The following IL20RB variants were observed in gnomAD, a reference collection of about 807,000 sequenced individuals.
IL20RB encodes interleukin-20 receptor subunit beta.
In IL20RB, 21 loss-of-function variants were observed where a neutral mutation model predicts 33.3. The ratio of observed to expected loss-of-function variants is 0.63; its 90% CI spans 0.45 to 0.91. IL20RB has a LOEUF of 0.91. Ranked by LOEUF, IL20RB falls within the 40% of genes least tolerant of loss-of-function variation. IL20RB has a pLI of 0.00. For missense variants in IL20RB, 345 were observed against 384.8 expected (o/e 0.90, Z 0.86); for synonymous variants, 147 against 146.8 (o/e 1.00, Z -0.01).
intron 6 of IL20RB, among the ~76,000 whole-genome samples, chr3:136,996,190 G>A (rs1428735004): frequency 6.6e-6 from 1 of 152,070 alleles, no homozygotes; most frequent in East Asian, 1.9e-4. Context: ...GGTCTCTCCA[G>A]TGGGTATAGG....
At chr3:136,982,073 T>C in intron 2 of IL20RB, 87 bp from the exon 3 acceptor site, 2 of 923,726 alleles carry the variant, frequency 2.2e-6, no homozygotes, top group South Asian at 3.9e-5. Flanking sequence ...CTGTACAAAG[T>C]AGGTGAACGA....
chr3:136,958,596 TAA>T (rs1242057221), intron 1 of IL20RB, among the ~76,000 whole-genome samples: 1 of 152,168 alleles, frequency 6.6e-6, no homozygotes, highest in Non-Finnish European at 1.5e-5. Flanking sequence ...TACACATGAA[TAA>T]AAAGACAATT....
intron 1 of IL20RB, 183 bp from the exon 2 acceptor site, chr3:136,980,283 A>C: frequency 1.6e-6 from 1 of 627,262 alleles, no homozygotes; most frequent in Non-Finnish European, 2.7e-6. Flanking sequence ...GTTTATAAAC[A>C]TGTGAGGCTT....
intron 1 of IL20RB, among the ~76,000 whole-genome samples, chr3:136,976,103 G>A (rs143632954): frequency 4.9e-4 from 74 of 152,336 alleles, no homozygotes; most frequent in African/African-American, 1.7e-3. Context: ...CAGTTGAGGT[G>A]ATGGCAGCTG....
At chr3:136,998,515 T>A (rs181043979) in intron 6 of IL20RB, among the ~76,000 whole-genome samples, 1 of 152,018 alleles carries the variant, frequency 6.6e-6, no homozygotes, top group East Asian at 1.9e-4. Flanking sequence ...CTTTTTTTAA[T>A]TATAGGTTTA....
At chr3:136,977,960 A>G (rs1941667638) in intron 1 of IL20RB, among the ~76,000 whole-genome samples, 1 of 152,076 alleles carries the variant, frequency 6.6e-6, no homozygotes, top group African/African-American at 2.4e-5. Context: ...TGCTTGCCTT[A>G]TTACAGTGGC....
chr3:137,002,238 T>A lies in IL20RB; in HGVS notation c.825+6682T>A, dbSNP rs145464902. 2.2e-3 allele frequency among the ~76,000 whole-genome samples: 330 copies of A among 152,344 alleles called. 2 individuals are homozygous for A. The highest frequency in any genetic ancestry group is 6.9e-3 in the African/African-American group (287 of 41,586). On this transcript the variant is annotated intron_variant, in intron 6 of 6. Coordinates refer to ENST00000329582, the MANE Select transcript of IL20RB (RefSeq NM_144717.4). ...TGAATAGTGCCACAATAAACCTATG[T>A]GTGCATGTGTCTTTATAGTAGCATG...
chr3:137,005,463 T>C (rs951996990), intron 6 of IL20RB, among the ~76,000 whole-genome samples: 1 of 152,352 alleles, frequency 6.6e-6, no homozygotes, highest in African/African-American at 2.4e-5. Context: ...ATTGGGTGCA[T>C]ACATATTTAG....
At chr3:136,988,786 A>G (rs553550342) in intron 3 of IL20RB, among the ~76,000 whole-genome samples, 1 of 152,130 alleles carries the variant, frequency 6.6e-6, no homozygotes, top group South Asian at 2.1e-4. Flanking sequence ...GTGACTTGCC[A>G]GCTGAGAACT....
intron 1 of IL20RB, 96 bp from the exon 2 acceptor site, chr3:136,980,370 C>T: frequency 6.8e-7 from 1 of 1,477,718 alleles, no homozygotes; most frequent in Non-Finnish European, 9.4e-7. Context: ...ACTGCAACCT[C>T]CGCCAGTGAG....
intron 3 of IL20RB, among the ~76,000 whole-genome samples, chr3:136,987,665 C>G (rs1023929074): frequency 6.6e-6 from 1 of 152,122 alleles, no homozygotes; most frequent in African/African-American, 2.4e-5. Flanking sequence ...AGGCTCGGGC[C>G]GCACAGGAGC....
In IL20RB at chr3:136,982,262, T is replaced by C. The variant is rs1941793615; in HGVS notation, c.318T>C (p.Thr106=). The change falls in exon 3 of 7, where the codon ACT becomes ACC. Residue 106 remains threonine (T), a synonymous_variant. Transcript: ENST00000329582. ...ECDVTDDITA[T]VPYNLRVRAT... The stretch of plus-strand genomic sequence containing the variant: ...ATGTCACTGATGACATCACGGCCAC[T>C]GTGCCATACAACCTTCGTGTCAGGG... 6.2e-7 allele frequency: 1 copy of C among 1,612,294 alleles called. No homozygotes were observed. The highest frequency in any genetic ancestry group is 1.7e-5 in the Admixed American group (1 of 59,988).
intron 3 of IL20RB, among the ~76,000 whole-genome samples, chr3:136,987,614 G>A (rs1941936675): frequency 1.3e-5 from 2 of 152,328 alleles, no homozygotes; most frequent in Admixed American, 1.3e-4. Context: ...GGTGGTCGAT[G>A]GGACTGGGCG....
At chr3:136,966,246 G>T (rs1398099570) in intron 1 of IL20RB, among the ~76,000 whole-genome samples, 3 of 128,712 alleles carry the variant, frequency 2.3e-5, no homozygotes, top group Non-Finnish European at 3.2e-5. Flanking sequence ...TTTTTCTATT[G>T]ATTGGAATAG....
Position 137,010,488 on chromosome 3 carries a change from T to G in IL20RB, c.*265T>G. On this transcript the variant is annotated 3_prime_UTR_variant, in exon 7 of 7. Transcript: ENST00000329582. ...CCCTGGGAAAAGTGACTTCATCCCT[T>G]CGGTCCTAAGTTTTCTCATCTGTAA... The G allele has an allele frequency of 2.6e-6, 1 of 381,588 alleles. No homozygotes were observed. The highest frequency in any genetic ancestry group is 4.8e-6 in the Non-Finnish European group (1 of 210,108). 23.6% of individuals were successfully genotyped at this position (381,588 alleles called of 1,614,324 possible). A position where few individuals can be genotyped will look rare whatever the true frequency, so the allele number is the denominator to read the frequency against.
rs147237103 is a variant in IL20RB, at chr3:136,982,251, A to G, written c.307A>G (p.Ile103Val). ...TCCTGAGTGTGATGTCACTGATGAC[A>G]TCACGGCCACTGTGCCATACAACCT... ...EGPECDVTDDITATVPYNLRV... is the reference protein window; with the variant it reads ...EGPECDVTDDVTATVPYNLRV... Residue 103 changes from isoleucine (I) to valine (V), a missense_variant, in exon 3 of 7, where the codon ATC becomes GTC. By Grantham distance (29) the Ile-to-Val change is conservative. Transcript: ENST00000329582. The G allele has an allele frequency of 2.3e-3, 3,628 of 1,612,420 alleles. 10 individuals are homozygous for G. Among genetic ancestry groups the G allele is most frequent in the Non-Finnish European group, 2.7e-3 (3,168 of 1,178,592 alleles).
At chr3:136,989,669 G>C in intron 4 of IL20RB, 104 bp downstream of exon 4, 1 of 1,320,550 alleles carries the variant, frequency 7.6e-7, no homozygotes, top group Non-Finnish European at 1.1e-6. Context: ...GTGACCTGGG[G>C]ATGAGCAGTC....
intron 1 of IL20RB, among the ~76,000 whole-genome samples, chr3:136,962,829 A>G (rs1326471646): frequency 6.7e-6 from 1 of 150,324 alleles, no homozygotes; most frequent in Non-Finnish European, 1.5e-5. Flanking sequence ...CTAACTAGAC[A>G]TGACAGCTAA....
At chr3:137,008,351 G>C (rs1932992043) in intron 6 of IL20RB, among the ~76,000 whole-genome samples, 1 of 152,174 alleles carries the variant, frequency 6.6e-6, no homozygotes, top group South Asian at 2.1e-4. Flanking sequence ...GGGGATCATG[G>C]CAAATATGTT....
Sources: gnomAD v4.1 joint callset for allele counts (sites outside exome capture counted in the v4.1 genomes callset) on GRCh38, gnomAD v4.1.1 for gene constraint, MANE v1.5 for transcripts, NCBI Gene and HGNC (gene_info 2026-07-23, HGNC 2026-07-21) for gene names.